NELL1: variants seen among roughly 807,000 people sequenced by gnomAD.
NELL1 encodes neural EGFL like 1, also known as protein kinase C-binding protein NELL1.
In NELL1, 76 loss-of-function variants were observed where a neutral mutation model predicts 107.4. The observed-to-expected ratio is 0.71, with a 90% CI of 0.59 to 0.86. NELL1 has a LOEUF of 0.86. Ranked by LOEUF, NELL1 falls within the 40% of genes least tolerant of loss-of-function variation. NELL1 has a pLI of 0.00. For synonymous variants in NELL1, 353 were observed against 341.2 expected (o/e 1.03, Z -0.38); for missense variants, 1,024 against 1,005.5 (o/e 1.02, Z -0.25).
intron 4 of NELL1, among the ~76,000 whole-genome samples, chr11:20,882,472 G>T (rs1042887418): frequency 1.3e-5 from 2 of 152,260 alleles, no homozygotes; most frequent in Middle Eastern, 6.8e-3. Context: ...AGTGATACAA[G>T]GAACAATCAT....
intron 15 of NELL1, among the ~76,000 whole-genome samples, chr11:21,443,224 A>G (rs1165610841): frequency 1.3e-5 from 2 of 152,034 alleles, no homozygotes; most frequent in African/African-American, 4.8e-5. Context: ...GAGGAGCCCA[A>G]TTTCTGAATA....
At chr11:20,775,196 A>G (rs1348943435) in intron 2 of NELL1, among the ~76,000 whole-genome samples, 5 of 152,184 alleles carry the variant, frequency 3.3e-5, no homozygotes, top group African/African-American at 1.2e-4. Context: ...TTAGCTCCCA[A>G]TTGCTGACAA....
intron 11 of NELL1, among the ~76,000 whole-genome samples, chr11:20,949,317 G>T (rs1037552542): frequency 6.6e-6 from 1 of 152,116 alleles, no homozygotes; most frequent in African/African-American, 2.4e-5. Flanking sequence ...GCCAGAAATG[G>T]CCCCTAGAAT....
chr11:21,135,451 C>G (rs1403870151), intron 13 of NELL1, among the ~76,000 whole-genome samples: 2 of 152,046 alleles, frequency 1.3e-5, no homozygotes, highest in Non-Finnish European at 2.9e-5. Context: ...ACCAGATTTA[C>G]CAACTAAATG....
intron 12 of NELL1, among the ~76,000 whole-genome samples, chr11:21,105,243 A>G (rs1052945830): frequency 6.6e-6 from 1 of 152,136 alleles, no homozygotes; most frequent in African/African-American, 2.4e-5. Context: ...AAGAAAGAGA[A>G]AAGAGAAATA....
Position 21,362,968 on chromosome 11 carries a change from G to A in NELL1, c.1550-7885G>A, listed in dbSNP as rs546616212. 2.3e-4 allele frequency among the ~76,000 whole-genome samples: 33 copies of A among 143,870 alleles called. No homozygotes were observed. In the South Asian group the frequency reaches 2.3e-3, roughly 10 times the overall value. The allele number at this position is 143,870 out of a possible 152,430, so 94.4% of individuals were successfully genotyped here. On this transcript the variant is annotated intron_variant, in intron 14 of 19. Transcript: ENST00000357134. ...GTTCATCAGGGAAGTGGGGGATAGC[G>A]AGAGGTCTCACCCAGCTCCCATACA...
chr11:20,747,483 T>C (rs7116958), intron 2 of NELL1, among the ~76,000 whole-genome samples: 6,826 of 152,196 alleles, frequency 0.045, 497 homozygotes, highest in African/African-American at 0.15. Flanking sequence ...ATAACAGAAT[T>C]TCTGAAACTG....
At chr11:21,145,070 C>T (rs933940564) in intron 13 of NELL1, among the ~76,000 whole-genome samples, 7 of 152,028 alleles carry the variant, frequency 4.6e-5, no homozygotes, top group African/African-American at 4.8e-5. Context: ...ACATGTAAAG[C>T]GCTTGGAAAA....
chr11:21,372,625 A>C (rs1337597559), intron 15 of NELL1, among the ~76,000 whole-genome samples: 1 of 151,960 alleles, frequency 6.6e-6, no homozygotes, highest in Non-Finnish European at 1.5e-5. Context: ...CAAGGATACT[A>C]GATGGATTTT....
chr11:21,364,793 C>T (rs2133744183), intron 14 of NELL1, among the ~76,000 whole-genome samples: 1 of 152,148 alleles, frequency 6.6e-6, no homozygotes, highest in South Asian at 2.1e-4. Flanking sequence ...TTAAGGTAAC[C>T]AACAAATCCA....
chr11:21,483,849 G>GTA (rs1483992248), intron 15 of NELL1, among the ~76,000 whole-genome samples: 6 of 122,542 alleles, frequency 4.9e-5, no homozygotes, highest in Non-Finnish European at 1.0e-4. Flanking sequence ...ATTATATATA[G>GTA]TATATATATA....
At chr11:21,331,878 G>T (rs1850280033) in intron 14 of NELL1, among the ~76,000 whole-genome samples, 1 of 151,954 alleles carries the variant, frequency 6.6e-6, no homozygotes, top group South Asian at 2.1e-4. Flanking sequence ...TTTTGAGAAT[G>T]CCCTAAAGCT....
chr11:20,778,564 T>A (rs1856794638), intron 2 of NELL1, among the ~76,000 whole-genome samples: 1 of 145,436 alleles, frequency 6.9e-6, no homozygotes, highest in Non-Finnish European at 1.5e-5. Context: ...AGTCTTTCTT[T>A]AAAAATGACT....
At chr11:21,039,750 GA>G (rs1371820435) in intron 12 of NELL1, among the ~76,000 whole-genome samples, 2 of 152,124 alleles carry the variant, frequency 1.3e-5, no homozygotes, top group Non-Finnish European at 2.9e-5. Context: ...CTAACAGAGA[GA>G]AAAATTCTTA....
chr11:21,011,684 G>T (rs1415967179), intron 12 of NELL1, among the ~76,000 whole-genome samples: 2 of 152,092 alleles, frequency 1.3e-5, no homozygotes, highest in East Asian at 3.9e-4. Flanking sequence ...GAGATCTTAG[G>T]TTTCCATCTT....
At chr11:21,533,113 T>C (rs1489653125) in intron 15 of NELL1, among the ~76,000 whole-genome samples, 3 of 152,128 alleles carry the variant, frequency 2.0e-5, no homozygotes. Flanking sequence ...GGCTGAACAA[T>C]ACATGCTACA....
Position 21,177,931 on chromosome 11 carries a change from TG to T in NELL1, c.1427-51400del, listed in dbSNP as rs142230590. On this transcript the variant is annotated intron_variant, in intron 13 of 19. Coordinates refer to ENST00000357134, the MANE Select transcript of NELL1 (RefSeq NM_006157.5). Reference sequence around the variant, plus strand: ...GTGTGTCTTTTTTGAAACACTTCTATGCAGGTGCTTTGCTCATTTTAAAAAT... The same window carrying T: ...GTGTGTCTTTTTTGAAACACTTCTATCAGGTGCTTTGCTCATTTTAAAAAT... Among the ~76,000 whole-genome samples the T allele has an allele frequency of 3.2e-3, 487 of 152,018 alleles. 11 individuals are homozygous for T. Among genetic ancestry groups the T allele is most frequent in the African/African-American group, 0.011 (470 of 41,282 alleles).
chr11:20,760,236 C>T (rs1856389721), intron 2 of NELL1, among the ~76,000 whole-genome samples: 1 of 152,174 alleles, frequency 6.6e-6, no homozygotes, highest in African/African-American at 2.4e-5. Context: ...TGGAGAAATG[C>T]CAACATTTTT....
At chr11:21,377,160 A>T (rs1395641495) in intron 15 of NELL1, among the ~76,000 whole-genome samples, 1 of 152,062 alleles carries the variant, frequency 6.6e-6, no homozygotes, top group Non-Finnish European at 1.5e-5. Context: ...TTGCCCATTC[A>T]GTATGATGTT....
Sources: gnomAD v4.1 joint callset for allele counts (sites outside exome capture counted in the v4.1 genomes callset) on GRCh38, gnomAD v4.1.1 for gene constraint, MANE v1.5 for transcripts, NCBI Gene and HGNC (gene_info 2026-07-23, HGNC 2026-07-21) for gene names.